The following ZNF385D variants were observed in gnomAD, a reference collection of about 807,000 sequenced individuals.
ZNF385D encodes zinc finger protein 659.
ZNF385D carries 15 observed loss-of-function variants against 35.8 expected under a neutral mutation model. That is an observed-to-expected ratio of 0.42 (90% CI 0.28 to 0.64). The LOEUF is 0.64. Among genes scored for constraint, ZNF385D ranks in the 30% least tolerant of loss-of-function variants. The probability of loss-of-function intolerance (pLI) is 0.23; values close to 1 mark genes in which losing one functional copy is unlikely to be tolerated. For missense variants in ZNF385D, 474 were observed against 494.6 expected, an observed-to-expected ratio of 0.96 and a Z score of 0.39; for synonymous variants, 212 against 186.8, an observed-to-expected ratio of 1.13 and a Z score of -1.10.
chr3:22,227,151 CA>C (rs113145843), intron 2 of ZNF385D, among the ~76,000 whole-genome samples: 4,121 of 151,356 alleles, frequency 0.027, 87 homozygotes, highest in South Asian at 0.1. Context: ...ATATTTTGAT[CA>C]TATATATGTG....
intron 3 of ZNF385D, among the ~76,000 whole-genome samples, chr3:22,125,751 T>C (rs909933315): frequency 6.6e-6 from 1 of 152,118 alleles, no homozygotes; most frequent in African/African-American, 2.4e-5. Context: ...ATGCTAATGA[T>C]TTTTGTATGT....
chr3:21,977,292 G>A (rs1703689931), intron 3 of ZNF385D, among the ~76,000 whole-genome samples: 1 of 151,846 alleles, frequency 6.6e-6, no homozygotes. Context: ...ATTTGTGTTT[G>A]TGTGCTTTTG....
Position 22,099,340 on chromosome 3 carries a change from T to C in ZNF385D, c.325+69477A>G, listed in dbSNP as rs1386915265. Among the ~76,000 whole-genome samples the C allele has an allele frequency of 2.0e-5, 3 of 152,108 alleles. No individual in the cohort carries two copies. The East Asian group carries it at 5.8e-4, about 29-fold the overall frequency. On this transcript the variant is annotated intron_variant, in intron 3 of 5. Transcript: ENST00000494108. ...AAGGGCTGAAGGTTTGGAATAGTCA[T>C]GTAGTCCATAAGAAAGGGAGCAGAC...
At chr3:21,784,147 G>A (rs574500640) in intron 3 of ZNF385D, among the ~76,000 whole-genome samples, 1 of 152,246 alleles carries the variant, frequency 6.6e-6, no homozygotes, top group South Asian at 2.1e-4. Flanking sequence ...TACTGGAAGA[G>A]AAGTCTGCCA....
chr3:22,354,628 G>GACC (rs1559537631), intron 2 of ZNF385D, among the ~76,000 whole-genome samples: 3 of 151,804 alleles, frequency 2.0e-5, no homozygotes, highest in Non-Finnish European at 4.4e-5. Flanking sequence ...GGTTTTAATG[G>GACC]TATAACAATA....
At chr3:21,782,581 A>T (rs2071535268) in intron 3 of ZNF385D, among the ~76,000 whole-genome samples, 1 of 152,074 alleles carries the variant, frequency 6.6e-6, no homozygotes, top group Non-Finnish European at 1.5e-5. Context: ...ACCTCTCCAG[A>T]TTTGCTATCT....
rs1009412662 is a variant in ZNF385D, at chr3:22,348,098, T to C, written c.106+24352A>G. 3.3e-5 allele frequency among the ~76,000 whole-genome samples: 5 copies of C among 152,138 alleles called. No individual in the cohort carries two copies. In the East Asian group the frequency reaches 9.6e-4, roughly 29 times the overall value. On this transcript the variant is annotated intron_variant, in intron 2 of 5. Transcript: ENST00000494108. ...ACATACATTTTTTAACTGGTACCTG[T>C]CTTTCAAGGAGCCTATATTAATAGG...
chr3:22,139,852 C>A (rs6801460), intron 3 of ZNF385D, among the ~76,000 whole-genome samples: 1 of 151,796 alleles, frequency 6.6e-6, no homozygotes, highest in African/African-American at 2.4e-5. Flanking sequence ...GGACATCATT[C>A]GTTATTTGGA....
intron 2 of ZNF385D, among the ~76,000 whole-genome samples, chr3:22,181,676 C>T (rs568912267): frequency 2.4e-5 from 3 of 126,264 alleles, no homozygotes; most frequent in Non-Finnish European, 4.7e-5. Context: ...CCGGCCTGGG[C>T]GAAAGAGTGA....
At chr3:21,540,613 A>G (rs1435448247) in intron 3 of ZNF385D, among the ~76,000 whole-genome samples, 1 of 152,218 alleles carries the variant, frequency 6.6e-6, no homozygotes, top group Non-Finnish European at 1.5e-5. Flanking sequence ...GGAATCTAAG[A>G]GAAGGTTAAA....
At chr3:21,682,605 C>T (rs1372318276) in intron 1 of ZNF385D, among the ~76,000 whole-genome samples, 1 of 149,920 alleles carries the variant, frequency 6.7e-6, no homozygotes, top group Non-Finnish European at 1.5e-5. Flanking sequence ...GGGAAATGAG[C>T]CTCTAAATCT....
chr3:21,417,590 A>G lies in ZNF385D; in HGVS notation c.*3624T>C, dbSNP rs1300974715. ...ACACTGGTACAAAGACAAAGATATT[A>G]ATTTAAAATTTAATTGTAATTGGTG... On this transcript the variant is annotated 3_prime_UTR_variant, in exon 8 of 8. Coordinates refer to ENST00000281523, the MANE Select transcript of ZNF385D (RefSeq NM_024697.3). The G allele has an allele frequency of 6.6e-6, 1 of 152,136 alleles. No homozygotes were observed. The highest frequency in any genetic ancestry group is 1.5e-5 in the Non-Finnish European group (1 of 68,002). 9.4% of individuals were successfully genotyped at this position (152,136 alleles called of 1,614,324 possible). A position where few individuals can be genotyped will look rare whatever the true frequency, so the allele number is the denominator to read the frequency against.
At chr3:22,303,442 G>T (rs576526703) in intron 2 of ZNF385D, among the ~76,000 whole-genome samples, 109 of 152,206 alleles carry the variant, frequency 7.2e-4, no homozygotes, top group African/African-American at 2.6e-3. Flanking sequence ...GTGTGCCAAG[G>T]AGAGGTATTT....
At chr3:21,717,003 T>C (rs2068348685) in intron 1 of ZNF385D, among the ~76,000 whole-genome samples, 1 of 152,034 alleles carries the variant, frequency 6.6e-6, no homozygotes, top group Non-Finnish European at 1.5e-5. Context: ...TGTGGTGATG[T>C]GCGCCTGTAG....
intron 2 of ZNF385D, among the ~76,000 whole-genome samples, chr3:22,235,836 G>T (rs565131542): frequency 6.6e-6 from 1 of 151,966 alleles, no homozygotes; most frequent in African/African-American, 2.4e-5. Flanking sequence ...TTTTTGAAGG[G>T]TAATATAAAA....
At chr3:21,779,571 G>A (rs1408444707) in intron 3 of ZNF385D, among the ~76,000 whole-genome samples, 1 of 151,898 alleles carries the variant, frequency 6.6e-6, no homozygotes, top group Non-Finnish European at 1.5e-5. Context: ...AGGTGTTTCT[G>A]AACATTAGAA....
At chr3:21,612,993 CT>C (rs11336822) in intron 2 of ZNF385D, among the ~76,000 whole-genome samples, 88,924 of 137,126 alleles carry the variant, frequency 0.65, 28,324 homozygotes, top group East Asian at 0.84. Context: ...TTTCTTTTTT[CT>C]TTTTTTTTTT....
At chr3:22,039,141 T>C (rs927977263) in intron 3 of ZNF385D, among the ~76,000 whole-genome samples, 1 of 147,658 alleles carries the variant, frequency 6.8e-6, no homozygotes, top group African/African-American at 2.5e-5. Context: ...CAAAACTATG[T>C]AAAAAGTAGC....
chr3:22,200,911 T>G (rs187634091), intron 2 of ZNF385D, among the ~76,000 whole-genome samples: 1 of 152,154 alleles, frequency 6.6e-6, no homozygotes, highest in African/African-American at 2.4e-5. Flanking sequence ...TCTCTCTTGT[T>G]CCCTCAACAC....
Sources: allele counts gnomAD v4.1 joint callset (sites outside exome capture counted in the v4.1 genomes callset), GRCh38; gene constraint gnomAD v4.1.1; transcripts MANE v1.5; gene names NCBI Gene and HGNC (gene_info 2026-07-23, HGNC 2026-07-21).